TERT: variants seen among roughly 807,000 people sequenced by gnomAD.
TERT encodes telomerase reverse transcriptase.
Under a neutral mutation model 104.0 loss-of-function variants are expected in TERT, and 42 were observed. That is an observed-to-expected ratio of 0.40 (90% CI 0.32 to 0.52). The LOEUF (loss-of-function observed/expected upper bound fraction) is 0.52. TERT is among the 20% of genes least tolerant of loss of function. The pLI is 0.43. For synonymous variants in TERT, 781 were observed against 725.6 expected, an observed-to-expected ratio of 1.08 and a Z score of -1.23; for missense variants, 1,101 against 1,610.3, an observed-to-expected ratio of 0.68 and a Z score of 5.41.
rs779681298 is a variant in TERT, at chr5:1,280,145, A to C, written c.1950+13T>G. The C allele has an allele frequency of 6.2e-7, 1 of 1,613,860 alleles. No individual in the cohort carries two copies. Among genetic ancestry groups the C allele is most frequent in the Admixed American group, 1.7e-5 (1 of 60,032 alleles). ...TTCTGTTTAAAAAGGAAGTTAAACC[A>C]AAGCACAGCCACCCTCTTTTCTCTG... On this transcript the variant is annotated intron_variant, in intron 4 of 15. Coordinates refer to ENST00000310581, the MANE Select transcript of TERT (RefSeq NM_198253.3).
intron 2 of TERT, chr5:1,283,041 C>G: frequency 3.0e-6 from 1 of 336,378 alleles, no homozygotes; most frequent in South Asian, 2.3e-5. Flanking sequence ...CAGGGCCTGG[C>G]GACCTCACGC....
chr5:1,289,049 G>A (rs1301425415), intron 2 of TERT, among the ~76,000 whole-genome samples: 2 of 152,076 alleles, frequency 1.3e-5, no homozygotes, highest in South Asian at 4.1e-4. Flanking sequence ...TCAGGAGCAA[G>A]CTCAAGTGAG....
At chr5:1,275,526 G>C (rs1749499708) in intron 6 of TERT, among the ~76,000 whole-genome samples, 1 of 152,000 alleles carries the variant, frequency 6.6e-6, no homozygotes, top group African/African-American at 2.4e-5. Context: ...CACCACAGCA[G>C]GCACCACACG....
intron 1 of TERT, 28 bp from the exon 2 acceptor site, chr5:1,294,694 G>A: frequency 1.9e-6 from 3 of 1,586,018 alleles, no homozygotes; most frequent in Non-Finnish European, 2.6e-6. Context: ...TGAGTCGCCT[G>A]CGCTGCTCTC....
At position 1,293,595 on chromosome 5, in the gene TERT, G is replaced by T. The variant is rs1751140045; in HGVS notation, c.1291C>A (p.Pro431Thr). 1.9e-6 allele frequency: 3 copies of T among 1,548,022 alleles called. No individual in the cohort carries two copies. Among genetic ancestry groups the T allele is most frequent in the Non-Finnish European group, 2.6e-6 (3 of 1,145,074 alleles). ...PAAGVCAREK[P>T]QGSVAAPEEE... Reference sequence around the variant, plus strand: ...TCGGGGGCCGCCACAGAGCCCTGGGGCTTCTCCCGGGCACAGACACCGGCT... The same window carrying T: ...TCGGGGGCCGCCACAGAGCCCTGGGTCTTCTCCCGGGCACAGACACCGGCT... The change falls in exon 2 of 16, where the codon CCC becomes ACC. Residue 431 changes from proline to threonine, a missense_variant. By Grantham distance (38) the Pro-to-Thr change is conservative. Around this residue, in one of 5 missense-constraint regions of TERT, gnomAD observed 504 missense variants for 544.6 expected, o/e 0.93. Transcript: ENST00000310581.
At chr5:1,282,830 C>T (rs1449002107) in intron 2 of TERT, 2 of 623,030 alleles carry the variant, frequency 3.2e-6, no homozygotes, top group African/African-American at 3.8e-5. Flanking sequence ...CACGGGGACA[C>T]CGCATATCCA....
rs1469314454 is a variant in TERT, at chr5:1,268,163, A to C, written c.2582+357T>G. On this transcript the variant is annotated intron_variant, in intron 9 of 15. Transcript: ENST00000310581. The surrounding 1 kb of genome is among the most constrained non-coding windows in gnomAD (Gnocchi z 5.5). ...GGCCTGCTGGGAGATGTGGGGCCTC[A>C]GGCTGCACCAGCCCCATCTCCCCAA... is the stretch of plus-strand genomic sequence containing the variant. Among the ~76,000 whole-genome samples the C allele has an allele frequency of 2.0e-5, 3 of 152,220 alleles. No individual in the cohort carries two copies. The highest frequency in any genetic ancestry group is 6.5e-5 in the Admixed American group (1 of 15,282).
At position 1,268,114 on chromosome 5, in the gene TERT, G is replaced by T. The variant is rs1382940391; in HGVS notation, c.2582+406C>A. Reference sequence around the variant, plus strand: ...GGGATGGGCAATGGGCTGAAGAGGCGCCCAGTCCAGGCCACCTGTCGAGGG... The same window carrying T: ...GGGATGGGCAATGGGCTGAAGAGGCTCCCAGTCCAGGCCACCTGTCGAGGG... On this transcript the variant is annotated intron_variant, in intron 9 of 15. Transcript: ENST00000310581. The surrounding 1 kb of genome is among the most constrained non-coding windows in gnomAD (Gnocchi z 5.5). Among the ~76,000 whole-genome samples, 1 of 152,358 alleles carries T rather than the reference G, an allele frequency of 6.6e-6. No individual in the cohort carries two copies. Among genetic ancestry groups the T allele is most frequent in the South Asian group, 2.1e-4 (1 of 4,830 alleles).
rs1417135889 is a variant in TERT at position 1,273,104 on chromosome 5, G to A, written c.2287-824C>T. Among the ~76,000 whole-genome samples the A allele has an allele frequency of 6.1e-5, 5 of 82,424 alleles. 1 individual carries two copies. Among genetic ancestry groups the A allele is most frequent in the Admixed American group, 1.2e-4 (1 of 8,404 alleles). 54.1% of individuals were successfully genotyped at this position (82,424 alleles called of 152,430 possible). ...TCACCACACATCAGACCCCACAACC[G>A]CCATCCACAGTCACCACACATCAGA... On this transcript the variant is annotated intron_variant, in intron 6 of 15. Coordinates refer to ENST00000310581, the MANE Select transcript of TERT (RefSeq NM_198253.3).
rs769426811 is a variant in TERT at position 1,270,412 on chromosome 5, C to G, written c.2468+707G>C. 3.3e-5 allele frequency among the ~76,000 whole-genome samples: 5 copies of G among 152,244 alleles called. No homozygotes were observed. Among genetic ancestry groups the G allele is most frequent in the Non-Finnish European group, 7.3e-5 (5 of 68,044 alleles). On this transcript the variant is annotated intron_variant, in intron 8 of 15. Coordinates refer to ENST00000310581, the MANE Select transcript of TERT (RefSeq NM_198253.3). This position sits in a 1 kb window ranked among gnomAD's most constrained non-coding sequence, Gnocchi z 8.3. The stretch of plus-strand genomic sequence containing the variant: ...CGAATTTCCTCCGTGCTACCACTCT[C>G]CCCAGGCACACACAGGGTCGCAGGC...
Position 1,255,459 on chromosome 5 carries a change from G to A in TERT, c.3033-48C>T, listed in dbSNP as rs764425728. ...CAGAGGAAAGGCCTCCTAATCAGAC[G>A]GTGCTCGTGGGTGTGGGCATGGGCC... is the stretch of plus-strand genomic sequence containing the variant. On this transcript the variant is annotated intron_variant, in intron 13 of 15. Coordinates refer to ENST00000310581, the MANE Select transcript of TERT (RefSeq NM_198253.3). The surrounding 1 kb of genome is among the most constrained non-coding windows in gnomAD (Gnocchi z 6.9). 3.7e-6 allele frequency: 6 copies of A among 1,612,624 alleles called. No homozygotes were observed. The highest frequency in any genetic ancestry group is 1.3e-5 in the African/African-American group (1 of 74,936).
Position 1,293,911 on chromosome 5 carries a change from G to A in TERT, c.975C>T (p.Tyr325=), listed in dbSNP as rs774784101. 9.1e-6 allele frequency: 14 copies of A among 1,541,930 alleles called. No individual in the cohort carries two copies. In the Admixed American group the frequency reaches 2.4e-4, roughly 26 times the overall value. Residue 325 remains tyrosine, a synonymous_variant, in exon 2 of 16, where the codon TAC becomes TAT. Transcript: ENST00000310581. ...RPWDTPCPPV[Y]AETKHFLYSS... ...AGTAGAGGAAGTGCTTGGTCTCGGCGTACACCGGGGGACAAGGCGTGTCCC... is the reference window on the plus strand; with the variant it reads ...AGTAGAGGAAGTGCTTGGTCTCGGCATACACCGGGGGACAAGGCGTGTCCC...
intron 3 of TERT, among the ~76,000 whole-genome samples, chr5:1,281,306 G>A (rs540971962): frequency 6.6e-5 from 10 of 152,324 alleles, no homozygotes; most frequent in African/African-American, 2.4e-4. Context: ...CCACGTCGGG[G>A]TCCCCAGCCC....
rs1054219034 is a variant in TERT at position 1,270,399 on chromosome 5, G to A, written c.2468+720C>T. Among the ~76,000 whole-genome samples the A allele has an allele frequency of 1.3e-5, 2 of 152,292 alleles. No individual in the cohort carries two copies. Among genetic ancestry groups the A allele is most frequent in the Admixed American group, 6.5e-5 (1 of 15,298 alleles). On this transcript the variant is annotated intron_variant, in intron 8 of 15. Transcript: ENST00000310581. This position sits in a 1 kb window ranked among gnomAD's most constrained non-coding sequence, Gnocchi z 8.3. ...CCTTGAGTGTGCACGAATTTCCTCC[G>A]TGCTACCACTCTCCCCAGGCACACA...
At position 1,286,591 on chromosome 5, in the gene TERT, A is replaced by G. The variant is rs1750508571; in HGVS notation, c.1574-3967T>C. On this transcript the variant is annotated intron_variant, in intron 2 of 15. Coordinates refer to ENST00000310581, the MANE Select transcript of TERT (RefSeq NM_198253.3). This position sits in a 1 kb window ranked among gnomAD's most constrained non-coding sequence, Gnocchi z 5.3. Reference sequence around the variant, plus strand: ...TTTCAGACTTCATTTTAAAAGATCAAGGTATGCCGGGCACGGTGGCTTGCA... The same window carrying G: ...TTTCAGACTTCATTTTAAAAGATCAGGGTATGCCGGGCACGGTGGCTTGCA... Among the ~76,000 whole-genome samples, 1 of 152,062 alleles carries G rather than the reference A, an allele frequency of 6.6e-6. No individual in the cohort carries two copies. Among genetic ancestry groups the G allele is most frequent in the African/African-American group, 2.4e-5 (1 of 41,410 alleles).
chr5:1,279,229 G>T, intron 5 of TERT, 62 bp downstream of exon 5: 1 of 1,521,034 alleles, frequency 6.6e-7, no homozygotes, highest in Non-Finnish European at 8.9e-7. Context: ...AACATGAGGT[G>T]CCAATCAGGC....
intron 6 of TERT, among the ~76,000 whole-genome samples, chr5:1,276,168 A>G (rs1749567760): frequency 1.4e-5 from 2 of 147,184 alleles, no homozygotes; most frequent in South Asian, 4.4e-4. Flanking sequence ...TACCCCACAC[A>G]TAAAAACCAA....
rs535526050 is a variant in TERT at position 1,285,657 on chromosome 5, A to G, written c.1574-3033T>C. Among the ~76,000 whole-genome samples the G allele has an allele frequency of 1.5e-3, 211 of 137,960 alleles. 2 individuals are homozygous for G. The highest frequency in any genetic ancestry group is 5.4e-3 in the African/African-American group (197 of 36,528). The allele number at this position is 137,960 out of a possible 152,430, so 90.5% of individuals were successfully genotyped here. On this transcript the variant is annotated intron_variant, in intron 2 of 15. Coordinates refer to ENST00000310581, the MANE Select transcript of TERT (RefSeq NM_198253.3). ...CAATGTCGGCTCACTGCAACTTCCA[A>G]CTCCCAGGTTCAAGCAATTCTCCTG...
At position 1,279,350 on chromosome 5, in the gene TERT, G is replaced by A. The variant is rs866767063; in HGVS notation, c.2071C>T (p.Arg691Cys). 2.5e-6 allele frequency: 4 copies of A among 1,580,182 alleles called. No homozygotes were observed. Among genetic ancestry groups the A allele is most frequent in the Non-Finnish European group, 3.4e-6 (4 of 1,165,426 alleles). ...LGLDDIHRAW[R>C]TFVLRVRAQD... The stretch of plus-strand genomic sequence containing the variant: ...GCCCGCACACGCAGCACGAAGGTGC[G>A]CCAGGCCCTGTGGATATCGTCCAGG... The change falls in exon 5 of 16, where the codon CGC becomes TGC. Residue 691 changes from arginine (R) to cysteine (C), a missense_variant. Transcript: ENST00000310581.
Sources: gnomAD v4.1 joint callset for allele counts (sites outside exome capture counted in the v4.1 genomes callset) on GRCh38, gnomAD v4.1.1 for gene constraint, gnomAD v4.1.1 regional missense constraint, Gnocchi (gnomAD v3.1) non-coding constraint, MANE v1.5 for transcripts, NCBI Gene and HGNC (gene_info 2026-07-23, HGNC 2026-07-21) for gene names.